TASP1: variants seen among roughly 807,000 people sequenced by gnomAD.
TASP1 encodes taspase 1, also known as threonine aspartase 1.
Under a neutral mutation model 56.6 loss-of-function variants are expected in TASP1, and 16 were observed. The ratio of observed to expected loss-of-function variants is 0.28; its 90% CI spans 0.19 to 0.43. TASP1 has a LOEUF of 0.43. TASP1 is among the 20% of genes least tolerant of loss of function. The pLI is 1.00. For missense variants in TASP1, 393 were observed against 511.6 expected, an observed-to-expected ratio of 0.77 and a Z score of 2.24; for synonymous variants, 179 against 184.2, an observed-to-expected ratio of 0.97 and a Z score of 0.23.
At chr20:13,498,329 TTTTG>T (rs1322784361) in intron 10 of TASP1, among the ~76,000 whole-genome samples, 37 of 116,042 alleles carry the variant, frequency 3.2e-4, no homozygotes, top group African/African-American at 6.8e-4. Flanking sequence ...TTTTCTTTTC[TTTTG>T]TGTGTGTGTG....
At chr20:13,153,330 A>G in the TASP1 span, among the ~76,000 whole-genome samples, 1 of 152,130 alleles carries the variant, frequency 6.6e-6, no homozygotes, top group Non-Finnish European at 1.5e-5. Flanking sequence ...AATAACCTTG[A>G]CATGGACCCA....
chr20:13,305,199 TAAAAA>T, the TASP1 span, among the ~76,000 whole-genome samples: 1,308 of 137,482 alleles, frequency 9.5e-3, 14 homozygotes, highest in African/African-American at 0.022. Context: ...GTTGAGTTGT[TAAAAA>T]AAAAAAAAAA....
the TASP1 span, among the ~76,000 whole-genome samples, chr20:13,227,455 G>A: frequency 5.1e-5 from 7 of 137,678 alleles, no homozygotes; most frequent in Admixed American, 7.4e-5. Context: ...TGCCCGCCTC[G>A]ACCTCCCAAA....
chr20:13,285,984 G>C, the TASP1 span, among the ~76,000 whole-genome samples: 1 of 152,134 alleles, frequency 6.6e-6, no homozygotes, highest in African/African-American at 2.4e-5. Context: ...AACACCATTT[G>C]GCATCATTGG....
chr20:13,235,235 A>T, the TASP1 span, among the ~76,000 whole-genome samples: 270 of 152,366 alleles, frequency 1.8e-3, 1 homozygote, highest in African/African-American at 6.1e-3. Context: ...TTTTGTGACC[A>T]GCAGGTTACC....
chr20:13,228,364 A>G, the TASP1 span, among the ~76,000 whole-genome samples: 1 of 151,894 alleles, frequency 6.6e-6, no homozygotes, highest in Non-Finnish European at 1.5e-5. Flanking sequence ...TTAATTATAA[A>G]CTCTATAAGA....
At chr20:13,392,968 A>G in intron 13 of TASP1, 1 of 597,018 alleles carries the variant, frequency 1.7e-6, no homozygotes, top group Admixed American at 1.9e-5. Context: ...TATGGAGCCC[A>G]CCAGTATCTT....
At chr20:13,186,801 C>G in the TASP1 span, among the ~76,000 whole-genome samples, 1 of 152,200 alleles carries the variant, frequency 6.6e-6, no homozygotes, top group Non-Finnish European at 1.5e-5. Flanking sequence ...CACTAAAGAC[C>G]TATTTTCAGC....
chr20:13,184,681 G>A, the TASP1 span, among the ~76,000 whole-genome samples: 1 of 152,184 alleles, frequency 6.6e-6, no homozygotes, highest in Admixed American at 6.5e-5. Context: ...TTGGCCAATA[G>A]GAGCAGGGCT....
At chr20:13,321,216 G>T in the TASP1 span, among the ~76,000 whole-genome samples, 4 of 94,856 alleles carry the variant, frequency 4.2e-5, no homozygotes, top group African/African-American at 1.8e-4. Context: ...ACAATAAAAA[G>T]AGATCGTCTT....
the TASP1 span, among the ~76,000 whole-genome samples, chr20:13,175,323 C>T: frequency 6.6e-6 from 1 of 152,028 alleles, no homozygotes; most frequent in South Asian, 2.1e-4. Context: ...AAGGAAAATC[C>T]CCAGGGATAA....
chr20:13,455,101 T>C (rs1184471905), intron 11 of TASP1, among the ~76,000 whole-genome samples: 1 of 152,146 alleles, frequency 6.6e-6, no homozygotes, highest in South Asian at 2.1e-4. Context: ...AAACAATAAA[T>C]GCCTTCTTAA....
the TASP1 span, among the ~76,000 whole-genome samples, chr20:13,197,710 A>G: frequency 6.6e-6 from 1 of 152,212 alleles, no homozygotes; most frequent in African/African-American, 2.4e-5. Flanking sequence ...ATAAGTTATG[A>G]GAGAAATTGT....
chr20:13,172,671 C>A, the TASP1 span, among the ~76,000 whole-genome samples: 1 of 152,086 alleles, frequency 6.6e-6, no homozygotes, highest in Non-Finnish European at 1.5e-5. Flanking sequence ...ACTTTTGAAT[C>A]TAAAATCCTA....
At chr20:13,387,692 T>C (rs1220038535), downstream of TASP1, among the ~76,000 whole-genome samples, 1 of 152,236 alleles carries the variant, frequency 6.6e-6, no homozygotes, top group Non-Finnish European at 1.5e-5. Context: ...AATGGGATTA[T>C]TGGGTTGAAT....
the TASP1 span, among the ~76,000 whole-genome samples, chr20:13,111,176 G>A: frequency 6.6e-6 from 1 of 152,068 alleles, no homozygotes; most frequent in Admixed American, 6.6e-5. Context: ...CATGGTTAGG[G>A]TTCTGGATGT....
the TASP1 span, among the ~76,000 whole-genome samples, chr20:13,108,122 C>G: frequency 6.6e-6 from 1 of 152,102 alleles, no homozygotes; most frequent in Non-Finnish European, 1.5e-5. Context: ...TTGGAAGGTG[C>G]CATGCTAACA....
At chr20:13,638,768 T>A (rs1018451169) in intron 1 of TASP1, 126 bp downstream of exon 1, 15 of 152,150 alleles carry the variant, frequency 9.9e-5, no homozygotes, top group African/African-American at 3.6e-4. Flanking sequence ...GGGCAAGGGG[T>A]GTCCTGCGCG....
In TASP1 at chr20:13,469,792, C is replaced by CTTTTTTTTTTTTT. The variant is rs546419566; in HGVS notation, c.985+13422_985+13434dup. ...ACAGTTGTCCAGGTCAATAAATGTC[C>CTTTTTTTTTTTTT]TTTTTTTTTTTTTTTTTTTTTTTTT... On this transcript the variant is annotated intron_variant, in intron 11 of 13. Coordinates refer to ENST00000337743, the MANE Select transcript of TASP1 (RefSeq NM_017714.3). Among the ~76,000 whole-genome samples the CTTTTTTTTTTTTT allele has an allele frequency of 2.2e-3, 88 of 39,548 alleles. 23 individuals are homozygous for CTTTTTTTTTTTTT. The highest frequency in any genetic ancestry group is 3.1e-3 in the Non-Finnish European group (67 of 21,468). 25.9% of individuals were successfully genotyped at this position (39,548 alleles called of 152,430 possible).
Sources: allele counts gnomAD v4.1 joint callset (sites outside exome capture counted in the v4.1 genomes callset), GRCh38; gene constraint gnomAD v4.1.1; transcripts MANE v1.5; gene names NCBI Gene and HGNC (gene_info 2026-07-23, HGNC 2026-07-21).